The following OVCH1 variants were observed in gnomAD, a reference collection of about 807,000 sequenced individuals.
OVCH1 encodes the protein ovochymase-1.
In OVCH1, 139 loss-of-function variants were observed where a neutral mutation model predicts 138.4. The observed-to-expected ratio is 1.00, with a 90% CI of 0.87 to 1.16. The LOEUF is 1.16. Among genes scored for constraint, OVCH1 ranks in the 50% most tolerant of loss-of-function variants. The pLI is 0.00. For missense variants in OVCH1, 1,367 were observed against 1,357.9 expected, an observed-to-expected ratio of 1.01 and a Z score of -0.11; for synonymous variants, 453 against 467.8, an observed-to-expected ratio of 0.97 and a Z score of 0.41.
intron 7 of OVCH1, among the ~76,000 whole-genome samples, chr12:29,486,611 GA>G (rs1943115521): frequency 6.6e-6 from 1 of 152,142 alleles, no homozygotes; most frequent in Non-Finnish European, 1.5e-5. Context: ...TGATTTTTAA[GA>G]GTTAAGAAAA....
chr12:29,479,066 A>C (rs1942838681), intron 8 of OVCH1, among the ~76,000 whole-genome samples, 98 bp from the exon 10 acceptor site: 1 of 152,220 alleles, frequency 6.6e-6, no homozygotes, highest in Admixed American at 6.5e-5. Context: ...CTCAACAACC[A>C]TACAATTTTA....
chr12:29,486,381 CAAT>C, intron 7 of OVCH1, 33 bp from the exon 8 acceptor site: 1 of 1,432,432 alleles, frequency 7.0e-7, no homozygotes, highest in Admixed American at 2.0e-5. Flanking sequence ...GTGCCTTTCC[CAAT>C]AATAATCATT....
intron 26 of OVCH1, among the ~76,000 whole-genome samples, chr12:29,435,385 G>A (rs1037311645): frequency 6.6e-6 from 1 of 151,690 alleles, no homozygotes; most frequent in Non-Finnish European, 1.5e-5. Flanking sequence ...CTTTTTTTTT[G>A]AGACGGAGTC....
downstream of OVCH1, among the ~76,000 whole-genome samples, chr12:29,407,980 C>T (rs1452308737): frequency 1.4e-5 from 2 of 142,748 alleles, no homozygotes; most frequent in Non-Finnish European, 3.2e-5. Flanking sequence ...TCTTTTATTT[C>T]CTTGAGCAGT....
chr12:29,447,208 G>A (rs1941641850), intron 22 of OVCH1, among the ~76,000 whole-genome samples: 1 of 152,056 alleles, frequency 6.6e-6, no homozygotes, highest in Non-Finnish European at 1.5e-5. Context: ...CACATGCCAG[G>A]AATTTGGGAG....
downstream of OVCH1, among the ~76,000 whole-genome samples, chr12:29,423,814 A>G (rs575040167): frequency 6.6e-6 from 1 of 152,318 alleles, no homozygotes; most frequent in African/African-American, 2.4e-5. Context: ...GGGAGTAGTT[A>G]ATCTCTACAT....
chr12:29,489,736 G>T (rs1252118555), exon 6 of OVCH1: 3 of 1,611,138 alleles, frequency 1.9e-6, no homozygotes, highest in Middle Eastern at 1.7e-4. Flanking sequence ...ATGATGGGAA[G>T]TTCCATTTCT....
intron 8 of OVCH1, among the ~76,000 whole-genome samples, chr12:29,481,864 T>A (rs35049626): frequency 0.024 from 3,697 of 152,268 alleles, 83 homozygotes; most frequent in Non-Finnish European, 0.029. Flanking sequence ...GGGGATCTCA[T>A]TCTCCCTCAA....
At chr12:29,497,634 G>A in exon 1 of OVCH1, 3 of 1,613,904 alleles carry the variant, frequency 1.9e-6, no homozygotes, top group Non-Finnish European at 2.5e-6. Context: ...TAGGCTTCTG[G>A]GGTGGCCGAT....
intron 27 of OVCH1, among the ~76,000 whole-genome samples, chr12:29,429,656 T>C (rs1941235726): frequency 6.6e-6 from 1 of 152,224 alleles, no homozygotes; most frequent in Admixed American, 6.5e-5. Flanking sequence ...TTTTATTTAC[T>C]GTTGTGGAAT....
At chr12:29,439,383 CTTT>C (rs1941427567) in exon 26 of OVCH1, 2 of 1,566,114 alleles carry the variant, frequency 1.3e-6, no homozygotes, top group Middle Eastern at 1.7e-4. Flanking sequence ...CAGTTTTTCT[CTTT>C]TTAATATGTC....
At chr12:29,460,882 C>A (rs1022697348) in intron 19 of OVCH1, among the ~76,000 whole-genome samples, 1 of 152,130 alleles carries the variant, frequency 6.6e-6, no homozygotes, top group South Asian at 2.1e-4. Flanking sequence ...ATGCAAAATT[C>A]AAACAGAATT....
chr12:29,479,092 TA>T (rs1227261295), intron 8 of OVCH1, among the ~76,000 whole-genome samples, 124 bp from the exon 10 acceptor site: 1 of 152,142 alleles, frequency 6.6e-6, no homozygotes, highest in African/African-American at 2.4e-5. Context: ...TACGAGAAGA[TA>T]AAAGGCAATA....
exon 19 of OVCH1, chr12:29,462,001 G>A (rs1326919401): frequency 1.9e-6 from 3 of 1,611,484 alleles, no homozygotes; most frequent in Non-Finnish European, 1.7e-6. Context: ...GACTTGCTAG[G>A]CCACCATCTA....
Position 29,444,335 on chromosome 12 carries a change from C to T in OVCH1, c.2882-55G>A. 8 of 1,526,342 alleles carry T rather than the reference C, an allele frequency of 5.2e-6. No homozygotes were observed. The South Asian group carries it at 8.3e-5, about 16-fold the overall frequency. The allele number at this position is 1,526,342 out of a possible 1,614,324, so 94.5% of individuals were successfully genotyped here. ...AATAAAACCAATTTTTAACAGGCTTCCTATATGCCTTTTCAGATCAAGGTA... is the reference window on the plus strand; with the variant it reads ...AATAAAACCAATTTTTAACAGGCTTTCTATATGCCTTTTCAGATCAAGGTA... On this transcript the variant is annotated intron_variant, in intron 23 of 27. Coordinates refer to ENST00000318184, the Ensembl canonical transcript of OVCH1.
At chr12:29,424,334 C>G (rs921260745), downstream of OVCH1, among the ~76,000 whole-genome samples, 1 of 152,166 alleles carries the variant, frequency 6.6e-6, no homozygotes, top group Non-Finnish European at 1.5e-5. Flanking sequence ...GCCAGGTGTT[C>G]CTTGCCCTCA....
intron 8 of OVCH1, among the ~76,000 whole-genome samples, chr12:29,485,614 A>G (rs1297824029): frequency 6.6e-6 from 1 of 152,050 alleles, no homozygotes; most frequent in Admixed American, 6.6e-5. Flanking sequence ...CTCTACTAAA[A>G]ATGCAAAAAA....
At chr12:29,463,653 G>T (rs1278810235) in intron 18 of OVCH1, among the ~76,000 whole-genome samples, 2 of 152,172 alleles carry the variant, frequency 1.3e-5, no homozygotes, top group South Asian at 4.1e-4. Flanking sequence ...TGGGATCTCA[G>T]CAAGTTACTT....
chr12:29,488,886 T>C (rs1465482457), intron 6 of OVCH1, among the ~76,000 whole-genome samples: 1 of 152,124 alleles, frequency 6.6e-6, no homozygotes, highest in Non-Finnish European at 1.5e-5. Context: ...GAAAGCGGCA[T>C]AAGTGTACGT....
Sources: allele counts gnomAD v4.1 joint callset (sites outside exome capture counted in the v4.1 genomes callset), GRCh38; gene constraint gnomAD v4.1.1; transcripts MANE v1.5; gene names NCBI Gene and HGNC (gene_info 2026-07-23, HGNC 2026-07-21).